The following ANTXR1 variants were observed in gnomAD, a reference collection of about 807,000 sequenced individuals.
ANTXR1 encodes ANTXR cell adhesion molecule 1.
In ANTXR1, 19 loss-of-function variants were observed where a neutral mutation model predicts 78.1. That is an observed-to-expected ratio of 0.24 (90% CI 0.17 to 0.36). The LOEUF is 0.36. Ranked by LOEUF, ANTXR1 falls within the 10% of genes least tolerant of loss-of-function variation. ANTXR1 has a pLI of 1.00. For synonymous variants in ANTXR1, 273 were observed against 260.5 expected, an observed-to-expected ratio of 1.05 and a Z score of -0.46; for missense variants, 518 against 718.6, an observed-to-expected ratio of 0.72 and a Z score of 3.19.
At chr2:69,207,012 A>G (rs1674921591) in intron 17 of ANTXR1, among the ~76,000 whole-genome samples, 2 of 152,148 alleles carry the variant, frequency 1.3e-5, no homozygotes, top group Admixed American at 6.5e-5. Context: ...GAAAATGCCA[A>G]TTTTATCCAG....
At chr2:69,109,160 T>C (rs1442073216) in intron 10 of ANTXR1, among the ~76,000 whole-genome samples, 1 of 152,150 alleles carries the variant, frequency 6.6e-6, no homozygotes, top group African/African-American at 2.4e-5. Context: ...TGGGTTGTTA[T>C]GAGGTTTAAA....
chr2:69,095,446 G>A (rs1195888522), intron 9 of ANTXR1, among the ~76,000 whole-genome samples: 6 of 152,242 alleles, frequency 3.9e-5, no homozygotes, highest in African/African-American at 9.6e-5. Context: ...TGCTTACAGA[G>A]TAGTGAGAGC....
At position 69,030,194 on chromosome 2, in the gene ANTXR1, T is replaced by G. The variant is rs150904551; in HGVS notation, c.153-9850T>G. Among the ~76,000 whole-genome samples the G allele has an allele frequency of 1.0e-3, 152 of 152,310 alleles. 1 individual carries two copies. The highest frequency in any genetic ancestry group is 3.0e-3 in the African/African-American group (123 of 41,564). On this transcript the variant is annotated intron_variant, in intron 1 of 17. Transcript: ENST00000303714. ...CCCTCACCAATAGAATCTGGGTATTTGAAGGAGATGGATTTGTCTCTGTGA... is the reference window on the plus strand; with the variant it reads ...CCCTCACCAATAGAATCTGGGTATTGGAAGGAGATGGATTTGTCTCTGTGA...
At position 69,153,918 on chromosome 2, in the gene ANTXR1, T is replaced by A. The variant is rs149510886; in HGVS notation, c.1047+1654T>A. The stretch of plus-strand genomic sequence containing the variant: ...CTCTCTCTCAGTTTCCTCATTGGTA[T>A]AATGAGGACAATAAGAGCTCCCACC... On this transcript the variant is annotated intron_variant, in intron 13 of 17. Coordinates refer to ENST00000303714, the MANE Select transcript of ANTXR1 (RefSeq NM_032208.3). Among the ~76,000 whole-genome samples the A allele has an allele frequency of 7.1e-3, 1,078 of 152,272 alleles. 17 individuals are homozygous for A. The highest frequency in any genetic ancestry group is 0.046 in the East Asian group (236 of 5,172).
intron 1 of ANTXR1, among the ~76,000 whole-genome samples, chr2:69,035,996 A>T (rs138644725): frequency 0.012 from 1,838 of 152,374 alleles, 9 homozygotes; most frequent in Middle Eastern, 0.031. Flanking sequence ...AGCTGGAAGT[A>T]TGAATTATCA....
chr2:69,157,160 T>C (rs1320994190), intron 13 of ANTXR1, among the ~76,000 whole-genome samples: 1 of 152,186 alleles, frequency 6.6e-6, no homozygotes, highest in Non-Finnish European at 1.5e-5. Context: ...CTTTCAGCAG[T>C]AGGCACTGTC....
intron 16 of ANTXR1, among the ~76,000 whole-genome samples, chr2:69,186,942 G>A (rs1674430573): frequency 1.3e-5 from 2 of 152,156 alleles, no homozygotes; most frequent in South Asian, 2.1e-4. Flanking sequence ...CTCGCTGCCT[G>A]CCTTGTACCT....
intron 12 of ANTXR1, among the ~76,000 whole-genome samples, chr2:69,151,590 T>C (rs1673399705): frequency 6.6e-6 from 1 of 152,200 alleles, no homozygotes; most frequent in African/African-American, 2.4e-5. Flanking sequence ...TGTAGCCACT[T>C]GATCTGACTG....
chr2:69,093,598 A>G (rs1040784972), intron 9 of ANTXR1, among the ~76,000 whole-genome samples: 3 of 152,208 alleles, frequency 2.0e-5, no homozygotes, highest in East Asian at 1.9e-4. Flanking sequence ...TTAAGAATTA[A>G]AAGATAATTT....
At chr2:69,111,313 A>C (rs1354468053) in intron 10 of ANTXR1, among the ~76,000 whole-genome samples, 1 of 152,234 alleles carries the variant, frequency 6.6e-6, no homozygotes, top group East Asian at 1.9e-4. Flanking sequence ...ATCCACTTTC[A>C]GAGAGATTCA....
At chr2:69,238,762 T>C (rs528900138) in intron 17 of ANTXR1, among the ~76,000 whole-genome samples, 3 of 152,246 alleles carry the variant, frequency 2.0e-5, no homozygotes, top group Non-Finnish European at 4.4e-5. Context: ...AAACTTGGCA[T>C]GTATGTTATA....
At chr2:69,071,466 G>A (rs985985490) in intron 4 of ANTXR1, among the ~76,000 whole-genome samples, 2 of 152,226 alleles carry the variant, frequency 1.3e-5, no homozygotes, top group South Asian at 2.1e-4. Flanking sequence ...ATGTCACTAG[G>A]TGATTGGACT....
intron 9 of ANTXR1, among the ~76,000 whole-genome samples, chr2:69,095,941 G>A (rs1013738458): frequency 6.6e-6 from 1 of 152,136 alleles, no homozygotes; most frequent in African/African-American, 2.4e-5. Context: ...AGGGAATGGA[G>A]AGAATATGTA....
At chr2:69,058,923 T>C (rs1441747491) in intron 3 of ANTXR1, among the ~76,000 whole-genome samples, 1 of 152,194 alleles carries the variant, frequency 6.6e-6, no homozygotes. Context: ...TTCAAGACTT[T>C]AGTGGAGGAA....
chr2:69,013,391 G>C lies in ANTXR1; in HGVS notation c.-109G>C, dbSNP rs1670922661. On this transcript the variant is annotated 5_prime_UTR_variant, in exon 1 of 18. Coordinates refer to ENST00000303714, the MANE Select transcript of ANTXR1 (RefSeq NM_032208.3). The surrounding 1 kb of genome is among the most constrained non-coding windows in gnomAD (Gnocchi z 5.0). The stretch of plus-strand genomic sequence containing the variant: ...CGGGGAGTTGCGAGGGAGCGAGGGG[G>C]AATAAAGGACCCGCGAGGAAGGGCC... 6.8e-7 allele frequency: 1 copy of C among 1,464,622 alleles called. No homozygotes were observed. The highest frequency in any genetic ancestry group is 1.4e-5 in the African/African-American group (1 of 72,080). 90.7% of individuals were successfully genotyped at this position (1,464,622 alleles called of 1,614,324 possible).
chr2:69,089,496 G>A (rs532899524), intron 8 of ANTXR1, among the ~76,000 whole-genome samples: 1 of 152,260 alleles, frequency 6.6e-6, no homozygotes, highest in Admixed American at 6.5e-5. Flanking sequence ...GTCCACTCTA[G>A]CAAGGAAATA....
chr2:69,052,889 T>C (rs962348888), intron 3 of ANTXR1, among the ~76,000 whole-genome samples: 5 of 152,156 alleles, frequency 3.3e-5, no homozygotes, highest in African/African-American at 4.8e-5. Context: ...CCCAGCTTAC[T>C]TTTCACTGCT....
At chr2:69,112,238 C>T (rs1672012897) in intron 10 of ANTXR1, among the ~76,000 whole-genome samples, 2 of 152,168 alleles carry the variant, frequency 1.3e-5, no homozygotes, top group African/African-American at 4.8e-5. Flanking sequence ...TATCTCATTT[C>T]ATCATCACCG....
At chr2:69,186,439 T>TA (rs1674417611) in intron 16 of ANTXR1, among the ~76,000 whole-genome samples, 1 of 152,244 alleles carries the variant, frequency 6.6e-6, no homozygotes, top group Non-Finnish European at 1.5e-5. Flanking sequence ...CATTTAGCCT[T>TA]ATGTGGTACC....
Sources: gnomAD v4.1 joint callset for allele counts (sites outside exome capture counted in the v4.1 genomes callset) on GRCh38, gnomAD v4.1.1 for gene constraint, Gnocchi (gnomAD v3.1) non-coding constraint, MANE v1.5 for transcripts, NCBI Gene and HGNC (gene_info 2026-07-23, HGNC 2026-07-21) for gene names.